ANGPT1: variants seen among roughly 807,000 people sequenced by gnomAD.
ANGPT1 encodes angiopoietin-1.
A neutral mutation model predicts 62.2 loss-of-function variants in ANGPT1; 17 were observed. That is an observed-to-expected ratio of 0.27 (90% confidence interval 0.19 to 0.41). The LOEUF (loss-of-function observed/expected upper bound fraction) is 0.41. Among genes scored for constraint, ANGPT1 ranks in the 10% least tolerant of loss-of-function variants. The probability of loss-of-function intolerance (pLI) is 1.00; values close to 1 mark genes in which losing one functional copy is unlikely to be tolerated. For synonymous variants in ANGPT1, 199 were observed against 198.9 expected (o/e 1.00, Z 0.00); for missense variants, 478 against 594.9 (o/e 0.80, Z 2.04).
chr8:107,322,438 C>G (rs1021856578), intron 3 of ANGPT1, among the ~76,000 whole-genome samples: 3 of 152,046 alleles, frequency 2.0e-5, no homozygotes, highest in Non-Finnish European at 2.9e-5. Context: ...TAGCTACACT[C>G]TAAAGAAGTT....
intron 1 of ANGPT1, among the ~76,000 whole-genome samples, chr8:107,408,613 T>C (rs1004917247): frequency 6.6e-6 from 1 of 152,154 alleles, no homozygotes; most frequent in Non-Finnish European, 1.5e-5. Flanking sequence ...CAATGAAAGA[T>C]GTTTAAATAG....
chr8:107,265,317 C>T (rs1388708631), intron 7 of ANGPT1, among the ~76,000 whole-genome samples: 1 of 152,108 alleles, frequency 6.6e-6, no homozygotes, highest in Non-Finnish European at 1.5e-5. Flanking sequence ...CAAGTATTGT[C>T]CTAGAATCCG....
chr8:107,476,689 T>C (rs79928379), intron 1 of ANGPT1, among the ~76,000 whole-genome samples: 7,999 of 152,218 alleles, frequency 0.053, 242 homozygotes, highest in South Asian at 0.11. Flanking sequence ...TTATGTAATA[T>C]TAAGAATTCC....
intron 1 of ANGPT1, among the ~76,000 whole-genome samples, chr8:107,426,294 G>A (rs1004348350): frequency 6.6e-6 from 1 of 152,160 alleles, no homozygotes; most frequent in Non-Finnish European, 1.5e-5. Flanking sequence ...AATAAAGAGA[G>A]AAAGGGCAAC....
Position 107,394,767 on chromosome 8 carries a change from GTATTTA to G in ANGPT1, c.298-47676_298-47671del, listed in dbSNP as rs144594688. The stretch of plus-strand genomic sequence containing the variant: ...ATGATTTTGTTAAGATTTCCTTTCT[GTATTTA>G]TATTTATATTTATATTGGATTACAT... On this transcript the variant is annotated intron_variant, in intron 1 of 8. Transcript: ENST00000517746. Among the ~76,000 whole-genome samples, 497 of 152,096 alleles carry G rather than the reference GTATTTA, an allele frequency of 3.3e-3. 4 individuals carry two copies. The highest frequency in any genetic ancestry group is 0.012 in the African/African-American group (483 of 41,482).
intron 1 of ANGPT1, among the ~76,000 whole-genome samples, chr8:107,352,015 C>A (rs1309538147): frequency 6.6e-6 from 1 of 152,102 alleles, no homozygotes; most frequent in Non-Finnish European, 1.5e-5. Context: ...AGTAAACTGT[C>A]TAAGATCATA....
chr8:107,377,506 G>A (rs1271711489), intron 1 of ANGPT1, among the ~76,000 whole-genome samples: 1 of 152,308 alleles, frequency 6.6e-6, no homozygotes, highest in Middle Eastern at 3.4e-3. Context: ...TCTAAAGATA[G>A]TAATCTCACT....
At chr8:107,432,522 C>T (rs545104004) in intron 1 of ANGPT1, among the ~76,000 whole-genome samples, 28 of 152,010 alleles carry the variant, frequency 1.8e-4, no homozygotes, top group Middle Eastern at 3.4e-3. Context: ...AAATTAGCCA[C>T]GCATGGTGGC....
At chr8:107,487,725 A>G (rs951424137) in intron 1 of ANGPT1, among the ~76,000 whole-genome samples, 6 of 152,202 alleles carry the variant, frequency 3.9e-5, no homozygotes, top group African/African-American at 1.4e-4. Context: ...TACAACATGG[A>G]CAAGTGTCTT....
At chr8:107,407,266 A>G (rs944930413) in intron 1 of ANGPT1, among the ~76,000 whole-genome samples, 2 of 50,484 alleles carry the variant, frequency 4.0e-5, no homozygotes, top group Admixed American at 1.9e-4. Flanking sequence ...AATGTAGACC[A>G]TGTTTTTTTT....
At chr8:107,260,738 G>A (rs1024329807) in intron 8 of ANGPT1, among the ~76,000 whole-genome samples, 10 of 152,148 alleles carry the variant, frequency 6.6e-5, no homozygotes, top group South Asian at 2.1e-4. Context: ...AGGTAATGGC[G>A]TTTATTACAA....
At chr8:107,349,937 G>A (rs939628822) in intron 1 of ANGPT1, among the ~76,000 whole-genome samples, 2 of 152,056 alleles carry the variant, frequency 1.3e-5, no homozygotes, top group Non-Finnish European at 2.9e-5. Context: ...TCTTATTCAG[G>A]TAAAGAATCA....
chr8:107,332,970 C>T (rs1299846424), intron 3 of ANGPT1, among the ~76,000 whole-genome samples: 1 of 152,152 alleles, frequency 6.6e-6, no homozygotes, highest in Non-Finnish European at 1.5e-5. Context: ...ACATAAACAG[C>T]TTCATGCTTG....
intron 2 of ANGPT1, among the ~76,000 whole-genome samples, chr8:107,339,076 A>G (rs922322963): frequency 2.0e-5 from 3 of 152,212 alleles, no homozygotes; most frequent in Non-Finnish European, 2.9e-5. Context: ...ATTCTCCTCC[A>G]TGTCCATTGA....
At chr8:107,363,858 A>C in intron 1 of ANGPT1, among the ~76,000 whole-genome samples, 1 of 152,200 alleles carries the variant, frequency 6.6e-6, no homozygotes, top group East Asian at 1.9e-4. Context: ...TCTAAGCCTC[A>C]ACTTCCTCAT....
chr8:107,461,472 C>T (rs1446803559), intron 1 of ANGPT1, among the ~76,000 whole-genome samples: 1 of 152,134 alleles, frequency 6.6e-6, no homozygotes, highest in African/African-American at 2.4e-5. Flanking sequence ...ATACTTTTTA[C>T]AACCAAAGTG....
At chr8:107,372,696 C>T (rs770055247) in intron 1 of ANGPT1, among the ~76,000 whole-genome samples, 2 of 151,734 alleles carry the variant, frequency 1.3e-5, no homozygotes, top group African/African-American at 2.4e-5. Context: ...GACACAGTAA[C>T]GATTAGAATG....
chr8:107,490,596 CA>C (rs1252171589), intron 1 of ANGPT1, among the ~76,000 whole-genome samples: 1 of 152,344 alleles, frequency 6.6e-6, no homozygotes, highest in East Asian at 1.9e-4. Context: ...TCCCACACAA[CA>C]AACCTTACAA....
At chr8:107,429,491 C>T (rs1161405966) in intron 1 of ANGPT1, among the ~76,000 whole-genome samples, 1 of 152,162 alleles carries the variant, frequency 6.6e-6, no homozygotes, top group African/African-American at 2.4e-5. Context: ...GAGCGGGACA[C>T]TCCCAAGGAG....
Sources: allele counts gnomAD v4.1 joint callset (sites outside exome capture counted in the v4.1 genomes callset), GRCh38; gene constraint gnomAD v4.1.1; transcripts MANE v1.5; gene names NCBI Gene and HGNC (gene_info 2026-07-23, HGNC 2026-07-21).